Variants in EHF observed in about 807,000 individuals in gnomAD.
EHF encodes ESE3 transcription factor.
EHF carries 14 observed loss-of-function variants against 45.1 expected under a neutral mutation model. The ratio of observed to expected loss-of-function variants is 0.31; its 90% CI spans 0.21 to 0.49. The LOEUF (loss-of-function observed/expected upper bound fraction) is 0.49. Ranked by LOEUF, EHF falls within the 20% of genes least tolerant of loss-of-function variation. The pLI, the probability that EHF is intolerant of heterozygous loss-of-function variation, is 0.99. For missense variants in EHF, 282 were observed against 371.4 expected, an observed-to-expected ratio of 0.76 and a Z score of 1.98; for synonymous variants, 136 against 131.8, an observed-to-expected ratio of 1.03 and a Z score of -0.22.
At chr11:34,655,505 A>G (rs887839906) in intron 6 of EHF, among the ~76,000 whole-genome samples, 2 of 152,228 alleles carry the variant, frequency 1.3e-5, no homozygotes, top group Non-Finnish European at 2.9e-5. Flanking sequence ...AATCATGGTT[A>G]TGAGTAAAGC....
intron 1 of EHF, chr11:34,622,286 T>C (rs980092221): frequency 2.4e-6 from 1 of 415,946 alleles, no homozygotes; most frequent in Non-Finnish European, 4.3e-6. Context: ...TGTATGCTTC[T>C]GGGTTCAAGT....
chr11:34,649,985 C>T (rs1375565862), intron 4 of EHF, among the ~76,000 whole-genome samples: 2 of 152,246 alleles, frequency 1.3e-5, no homozygotes, highest in African/African-American at 4.8e-5. Flanking sequence ...GCAATAGCTG[C>T]TAAGCATGCA....
rs140464507 is a variant in EHF, at chr11:34,646,641, G to C, written c.300G>C (p.Ala100=). ...AGTTCACCCGGGCGGCAGGGACGGC[G>C]GGGCAGCTCCTCTACAGCAACTTGC... ...LQEFTRAAGT[A]GQLLYSNLQH... is the part of the protein sequence containing the mutation. The change falls in exon 3 of 9, where the codon GCG becomes GCC. Residue 100 remains alanine (A), a synonymous_variant. Coordinates refer to ENST00000257831, the MANE Select transcript of EHF (RefSeq NM_012153.6). 6.2e-7 allele frequency: 1 copy of C among 1,613,362 alleles called. No individual in the cohort carries two copies. Among genetic ancestry groups the C allele is most frequent in the South Asian group, 1.1e-5 (1 of 91,068 alleles).
At chr11:34,624,714 T>A (rs1350761287) in intron 1 of EHF, among the ~76,000 whole-genome samples, 1 of 152,154 alleles carries the variant, frequency 6.6e-6, no homozygotes, top group Non-Finnish European at 1.5e-5. Flanking sequence ...TTTCCAGGGA[T>A]CCCTCAGAGT....
Position 34,623,098 on chromosome 11 carries a change from G to GT in EHF, c.-4+1879dup, listed in dbSNP as rs201996338. Among the ~76,000 whole-genome samples the GT allele has an allele frequency of 8.2e-4, 124 of 151,044 alleles. 1 individual carries two copies. In the South Asian group the frequency reaches 9.2e-3, roughly 11 times the overall value. ...TGTTCAATTCAAACAATCCTTTTTG[G>GT]TTTTTTTTTGAGATGAAGTCTCCGT... On this transcript the variant is annotated intron_variant, in intron 1 of 8. Transcript: ENST00000257831.
At chr11:34,645,016 C>T (rs941426342) in intron 2 of EHF, among the ~76,000 whole-genome samples, 3 of 152,154 alleles carry the variant, frequency 2.0e-5, no homozygotes, top group Admixed American at 6.5e-5. Flanking sequence ...CCATGTGTCA[C>T]GTTCTGTTGG....
chr11:34,636,756 G>T (rs1358691218), intron 1 of EHF, among the ~76,000 whole-genome samples: 3 of 152,162 alleles, frequency 2.0e-5, no homozygotes, highest in African/African-American at 7.2e-5. Flanking sequence ...ACCACGGCCG[G>T]GCCCGGTGGC....
chr11:34,651,677 T>C, intron 5 of EHF, 60 bp from the exon 6 acceptor site: 3 of 1,609,166 alleles, frequency 1.9e-6, no homozygotes, highest in Non-Finnish European at 2.6e-6. Context: ...GCCACAGTGT[T>C]CTATTGTGAG....
In EHF at chr11:34,651,536, T is replaced by C. The variant is rs1190193270; in HGVS notation, c.407-6T>C. On this transcript the variant is annotated splice_region_variant and splice_polypyrimidine_tract_variant and intron_variant, in intron 4 of 8. Coordinates refer to ENST00000257831, the MANE Select transcript of EHF (RefSeq NM_012153.6). ...GCTGACTATTCTCCTTCTCTATTTT[T>C]TGTAGAGCCTTCCATCATGAACACC... 6.2e-7 allele frequency: 1 copy of C among 1,612,604 alleles called. No individual in the cohort carries two copies. Among genetic ancestry groups the C allele is most frequent in the Non-Finnish European group, 8.5e-7 (1 of 1,178,778 alleles).
In EHF at chr11:34,662,484, A is replaced by C. The variant is rs139590289; in HGVS notation, c.*3553A>C. 4.7e-4 allele frequency among the ~76,000 whole-genome samples: 71 copies of C among 152,246 alleles called. No homozygotes were observed. In the East Asian group the frequency reaches 0.013, roughly 28 times the overall value. On this transcript the variant is annotated 3_prime_UTR_variant, in exon 9 of 9. Coordinates refer to ENST00000257831, the MANE Select transcript of EHF (RefSeq NM_012153.6). ...AGTAATAAACCTTTGACCTGTTTTA[A>C]CCAATGAAGATTATGAATATGTTAA...
At chr11:34,648,905 A>T (rs1590513596) in intron 3 of EHF, 114 bp from the exon 4 acceptor site, 2 of 968,850 alleles carry the variant, frequency 2.1e-6, no homozygotes, top group African/African-American at 3.2e-5. Flanking sequence ...AACATAGGTG[A>T]CCAGGCAGTA....
chr11:34,635,271 C>T (rs568961124), intron 1 of EHF, among the ~76,000 whole-genome samples: 69 of 152,094 alleles, frequency 4.5e-4, no homozygotes, highest in Middle Eastern at 3.4e-3. Flanking sequence ...CTGGAAGGTT[C>T]GCTCTGTATA....
intron 1 of EHF, among the ~76,000 whole-genome samples, chr11:34,638,234 A>G (rs999079712): frequency 6.6e-6 from 1 of 152,218 alleles, no homozygotes; most frequent in African/African-American, 2.4e-5. Context: ...AATAAGAGGT[A>G]TAGTTTTTCT....
At chr11:34,652,653 C>T (rs1398713584) in intron 6 of EHF, among the ~76,000 whole-genome samples, 1 of 152,216 alleles carries the variant, frequency 6.6e-6, no homozygotes, top group Non-Finnish European at 1.5e-5. Flanking sequence ...TGCCTCTCTC[C>T]TGGAATTAAA....
chr11:34,662,789 G>T lies in EHF; in HGVS notation c.*3858G>T, dbSNP rs1856168513. On this transcript the variant is annotated 3_prime_UTR_variant, in exon 9 of 9. Coordinates refer to ENST00000257831, the MANE Select transcript of EHF (RefSeq NM_012153.6). ...ATGTGCACGGCATGGGCCCATATGT[G>T]TGAGGAGCTTGTCTAATTATGTAGG... Among the ~76,000 whole-genome samples, 1 of 152,100 alleles carries T rather than the reference G, an allele frequency of 6.6e-6. No individual in the cohort carries two copies. The highest frequency in any genetic ancestry group is 2.1e-4 in the South Asian group (1 of 4,832).
rs1855903246 is a variant in EHF at position 34,658,873 on chromosome 11, G to A, written c.845G>A (p.Arg282Gln). 2.5e-6 allele frequency: 4 copies of A among 1,613,338 alleles called. No homozygotes were observed. The highest frequency in any genetic ancestry group is 1.3e-5 in the African/African-American group (1 of 74,854). Reference protein sequence around the residue: ...KREILERVDGRRLVYKFGKNA... With the variant: ...KREILERVDGQRLVYKFGKNA... ...GAAATTCTGGAGCGTGTGGATGGAC[G>A]AAGACTGGTATATAAATTTGGGAAG... The change falls in exon 9 of 9, where the codon CGA becomes CAA. Residue 282 changes from arginine to glutamine, a missense_variant. Physicochemically the swap from Arg to Gln is conservative, Grantham distance 43 (BLOSUM62 1). This residue lies in a region of EHF where 28 missense variants were observed against 37.1 expected (regional missense o/e 0.76). Transcript: ENST00000257831.
intron 1 of EHF, among the ~76,000 whole-genome samples, chr11:34,630,566 A>G (rs1198256616): frequency 1.3e-5 from 2 of 151,954 alleles, no homozygotes; most frequent in African/African-American, 4.8e-5. Context: ...CTAGGAGGAA[A>G]CTTGACTCTT....
At chr11:34,629,488 C>T (rs1206896316) in intron 1 of EHF, among the ~76,000 whole-genome samples, 1 of 152,234 alleles carries the variant, frequency 6.6e-6, no homozygotes, top group Non-Finnish European at 1.5e-5. Context: ...GGAAACTTTA[C>T]TTCTTCTAAA....
chr11:34,637,664 T>C (rs1179213539), intron 1 of EHF, among the ~76,000 whole-genome samples: 3 of 152,150 alleles, frequency 2.0e-5, no homozygotes, highest in Non-Finnish European at 4.4e-5. Flanking sequence ...CTTCAGTCTA[T>C]TGGGTAGCAC....
Sources: gnomAD v4.1 joint callset for allele counts (sites outside exome capture counted in the v4.1 genomes callset) on GRCh38, gnomAD v4.1.1 for gene constraint, gnomAD v4.1.1 regional missense constraint, MANE v1.5 for transcripts, NCBI Gene and HGNC (gene_info 2026-07-23, HGNC 2026-07-21) for gene names.